The following SLC14A2 variants were observed in gnomAD, a reference collection of about 807,000 sequenced individuals.
The protein encoded by SLC14A2 is urea transporter 2.
In SLC14A2, 91 loss-of-function variants were observed where a neutral mutation model predicts 104.6. The ratio of observed to expected loss-of-function variants is 0.87; its 90% CI spans 0.73 to 1.04. SLC14A2 has a LOEUF of 1.04. Ranked by LOEUF, SLC14A2 falls within the 50% of genes least tolerant of loss-of-function variation. The pLI is 0.00. For missense variants in SLC14A2, 1,189 were observed against 1,156.0 expected, an observed-to-expected ratio of 1.03 and a Z score of -0.41; for synonymous variants, 476 against 466.4, an observed-to-expected ratio of 1.02 and a Z score of -0.27.
intron 2 of SLC14A2, among the ~76,000 whole-genome samples, chr18:45,568,856 A>G (rs900096830): frequency 6.6e-6 from 1 of 152,346 alleles, no homozygotes; most frequent in East Asian, 1.9e-4. Context: ...TGGCATATCA[A>G]TCTGGAATAA....
intron 1 of SLC14A2, among the ~76,000 whole-genome samples, chr18:45,462,074 A>C (rs1025017701): frequency 3.9e-5 from 6 of 152,226 alleles, no homozygotes; most frequent in African/African-American, 1.4e-4. Context: ...ACATCAAGTT[A>C]TCATTGAATG....
chr18:45,188,859 G>A, the SLC14A2 span, among the ~76,000 whole-genome samples: 12 of 152,300 alleles, frequency 7.9e-5, no homozygotes, highest in East Asian at 2.3e-3. Flanking sequence ...ACACCCTGTG[G>A]TGTCAGAAGG....
chr18:45,191,979 G>A, the SLC14A2 span, among the ~76,000 whole-genome samples: 1 of 152,150 alleles, frequency 6.6e-6, no homozygotes, highest in African/African-American at 2.4e-5. Flanking sequence ...CCCCCAAAGA[G>A]GAATTACAAT....
Position 45,579,609 on chromosome 18 carries a change from G to A in SLC14A2, c.-34-45022G>A, listed in dbSNP as rs906163910. 3.9e-5 allele frequency among the ~76,000 whole-genome samples: 6 copies of A among 152,144 alleles called. No homozygotes were observed. The East Asian group carries it at 9.6e-4, about 24-fold the overall frequency. ...ATATGTTAATGTCATGCCTTTCTAA[G>A]CTTTCATGTCAGCAGCATGAAATCA... On this transcript the variant is annotated intron_variant, in intron 2 of 20. Transcript: ENST00000586448.
intron 1 of SLC14A2, among the ~76,000 whole-genome samples, chr18:45,239,993 C>G (rs113045381): frequency 1.3e-5 from 2 of 151,722 alleles, no homozygotes; most frequent in African/African-American, 4.8e-5. Flanking sequence ...GTATCTATAC[C>G]GCATTTTCTT....
chr18:45,425,829 T>C (rs2086416399), intron 1 of SLC14A2, among the ~76,000 whole-genome samples: 1 of 152,190 alleles, frequency 6.6e-6, no homozygotes, highest in Non-Finnish European at 1.5e-5. Flanking sequence ...TTTTCCTTTA[T>C]GACTTTCCCA....
chr18:45,437,661 T>C (rs1048862921), intron 1 of SLC14A2, among the ~76,000 whole-genome samples: 1 of 152,174 alleles, frequency 6.6e-6, no homozygotes. Flanking sequence ...AGTTGTTGTG[T>C]TGTGTGCTTA....
chr18:45,214,878 C>T (rs2083994833), intron 1 of SLC14A2, among the ~76,000 whole-genome samples: 1 of 143,888 alleles, frequency 6.9e-6, no homozygotes, highest in African/African-American at 2.6e-5. Context: ...GTGACCCCTA[C>T]CCTGCAGGGT....
At chr18:45,441,943 G>C (rs1400369349) in intron 1 of SLC14A2, among the ~76,000 whole-genome samples, 1 of 152,186 alleles carries the variant, frequency 6.6e-6, no homozygotes, top group Non-Finnish European at 1.5e-5. Context: ...CATGAAAAAA[G>C]TAGACAACAG....
At chr18:45,504,360 G>C (rs1290589890) in intron 2 of SLC14A2, among the ~76,000 whole-genome samples, 1 of 152,144 alleles carries the variant, frequency 6.6e-6, no homozygotes, top group African/African-American at 2.4e-5. Context: ...TAAACGGTTT[G>C]CTCCTGAGTT....
At chr18:45,247,859 A>G (rs547057335) in intron 1 of SLC14A2, among the ~76,000 whole-genome samples, 1 of 152,230 alleles carries the variant, frequency 6.6e-6, no homozygotes, top group East Asian at 1.9e-4. Context: ...TGTAGGAGAG[A>G]ATGGAGCTGA....
chr18:45,221,296 A>G (rs2084059704), intron 1 of SLC14A2, among the ~76,000 whole-genome samples: 1 of 152,204 alleles, frequency 6.6e-6, no homozygotes, highest in African/African-American at 2.4e-5. Flanking sequence ...CATGGCTTCT[A>G]GCACCTCTAG....
intron 1 of SLC14A2, among the ~76,000 whole-genome samples, chr18:45,429,657 G>A (rs2086484633): frequency 6.6e-6 from 1 of 152,160 alleles, no homozygotes; most frequent in African/African-American, 2.4e-5. Flanking sequence ...GTACATTTCA[G>A]CCTCACTGAT....
chr18:45,475,498 CTT>C (rs1393983327), intron 1 of SLC14A2, among the ~76,000 whole-genome samples: 1 of 150,978 alleles, frequency 6.6e-6, no homozygotes, highest in Non-Finnish European at 1.5e-5. Context: ...GTCTAAGTCT[CTT>C]TGTATGTCTC....
chr18:45,351,647 T>G (rs1176508763), intron 1 of SLC14A2, among the ~76,000 whole-genome samples: 1 of 152,192 alleles, frequency 6.6e-6, no homozygotes. Flanking sequence ...TGAGCCACCA[T>G]GCCCAGCCTA....
chr18:45,175,484 CT>C, the SLC14A2 span, among the ~76,000 whole-genome samples: 1 of 151,946 alleles, frequency 6.6e-6, no homozygotes, highest in Non-Finnish European at 1.5e-5. Context: ...ATGCTGAGGT[CT>C]TTGTGTGTTA....
intron 1 of SLC14A2, among the ~76,000 whole-genome samples, chr18:45,347,674 T>C (rs570631572): frequency 6.6e-6 from 1 of 152,328 alleles, no homozygotes; most frequent in South Asian, 2.1e-4. Context: ...AGGTACCTCC[T>C]ACCTTATTCT....
chr18:45,281,222 C>T (rs976188987), intron 1 of SLC14A2, among the ~76,000 whole-genome samples: 62 of 152,168 alleles, frequency 4.1e-4, no homozygotes, highest in African/African-American at 1.4e-3. Flanking sequence ...TTAACAGTGT[C>T]CCTGCTATTC....
At position 45,682,449 on chromosome 18, in the gene SLC14A2, A is replaced by C. The variant is rs749337560; in HGVS notation, c.2693A>C (p.Tyr898Ser). 1 of 1,614,106 alleles carries C rather than the reference A, an allele frequency of 6.2e-7. No individual in the cohort carries two copies. Among genetic ancestry groups the C allele is most frequent in the Non-Finnish European group, 8.5e-7 (1 of 1,180,040 alleles). Residue 898 changes from tyrosine to serine, a missense_variant, in exon 20 of 20, where the codon TAC (tyrosine) becomes TCC (serine). Coordinates refer to ENST00000255226, the MANE Select transcript of SLC14A2 (RefSeq NM_007163.4). ...ACCTACCCAGAGGCCAACCGCATCT[A>C]CTACCTGTCCCAGGAGAGAAACAGA... ...KVTYPEANRI[Y>S]YLSQERNRRA...
Sources: allele counts gnomAD v4.1 joint callset (sites outside exome capture counted in the v4.1 genomes callset), GRCh38; gene constraint gnomAD v4.1.1; transcripts MANE v1.5; gene names NCBI Gene and HGNC (gene_info 2026-07-23, HGNC 2026-07-21).